Variants in CYSLTR2 observed in about 807,000 individuals in gnomAD.
The protein encoded by CYSLTR2 is cysteinyl leukotriene receptor 2.
For synonymous variants in CYSLTR2, 179 were observed against 160.8 expected, an observed-to-expected ratio of 1.11 and a Z score of -0.86; for missense variants, 398 against 411.9, an observed-to-expected ratio of 0.97 and a Z score of 0.29.
At chr13:48,658,115 C>T (rs954965916) in intron 1 of CYSLTR2, among the ~76,000 whole-genome samples, 1 of 152,098 alleles carries the variant, frequency 6.6e-6, no homozygotes, top group Non-Finnish European at 1.5e-5. Flanking sequence ...GCACAAATCC[C>T]TATTGGGAAC....
intron 1 of CYSLTR2, among the ~76,000 whole-genome samples, chr13:48,660,344 A>T (rs1199875660): frequency 6.6e-6 from 1 of 152,178 alleles, no homozygotes; most frequent in Non-Finnish European, 1.5e-5. Flanking sequence ...CTCTTCACCA[A>T]TGGCCCAAAG....
chr13:48,674,598 C>T (rs1017282185), intron 1 of CYSLTR2, among the ~76,000 whole-genome samples: 1 of 152,164 alleles, frequency 6.6e-6, no homozygotes, highest in Non-Finnish European at 1.5e-5. Flanking sequence ...TTTGTTGTTA[C>T]CCACCTTCTG....
intron 1 of CYSLTR2, among the ~76,000 whole-genome samples, chr13:48,681,958 T>C (rs1460577180): frequency 3.3e-5 from 5 of 152,208 alleles, no homozygotes; most frequent in Non-Finnish European, 7.3e-5. Context: ...AGTTAGGTTC[T>C]TTAAGACTAA....
intron 4 of CYSLTR2, among the ~76,000 whole-genome samples, chr13:48,705,586 G>T (rs1367003181): frequency 6.7e-6 from 1 of 148,616 alleles, no homozygotes; most frequent in Non-Finnish European, 1.5e-5. Context: ...GAAGCTCTAG[G>T]TATTTCTCTC....
chr13:48,657,977 C>T (rs1359109), intron 1 of CYSLTR2, among the ~76,000 whole-genome samples: 69,041 of 151,756 alleles, frequency 0.45, 17,817 homozygotes, highest in African/African-American at 0.72. Context: ...GCTGGTTTCT[C>T]TTTATTTTGA....
intron 1 of CYSLTR2, among the ~76,000 whole-genome samples, chr13:48,661,145 T>A (rs1471524346): frequency 2.0e-5 from 3 of 152,054 alleles, no homozygotes; most frequent in Admixed American, 2.0e-4. Context: ...TGAGACAGTG[T>A]CTTGCTCTAT....
intron 1 of CYSLTR2, among the ~76,000 whole-genome samples, chr13:48,669,332 ATT>A (rs1357341205): frequency 6.6e-6 from 1 of 150,908 alleles, no homozygotes; most frequent in Non-Finnish European, 1.5e-5. Flanking sequence ...GAACGTGCAG[ATT>A]TTTTACAAAG....
intron 1 of CYSLTR2, among the ~76,000 whole-genome samples, chr13:48,657,140 A>G (rs1257284551): frequency 1.3e-5 from 2 of 152,242 alleles, no homozygotes; most frequent in African/African-American, 4.8e-5. Context: ...TATTAGTTAC[A>G]GCTAATGTTT....
chr13:48,708,140 C>A lies in CYSLTR2; in HGVS notation c.*282C>A. 3.6e-6 allele frequency: 1 copy of A among 275,236 alleles called. No individual in the cohort carries two copies. The highest frequency in any genetic ancestry group is 7.3e-6 in the Non-Finnish European group (1 of 137,396). The allele number at this position is 275,236 out of a possible 1,614,324, so 17.0% of individuals were successfully genotyped here. On this transcript the variant is annotated 3_prime_UTR_variant, in exon 5 of 5. Coordinates refer to ENST00000682523, the MANE Select transcript of CYSLTR2 (RefSeq NM_001308476.3). ...GCAAAGCACATTGGATCCTACTTTT[C>A]TTCAGATATTGAACCAGATCTCTGG...
chr13:48,659,778 C>A (rs1411707453), intron 1 of CYSLTR2, among the ~76,000 whole-genome samples: 2 of 152,150 alleles, frequency 1.3e-5, no homozygotes, highest in African/African-American at 4.8e-5. Flanking sequence ...CTGTGGTCTT[C>A]CTTAGATCAG....
At chr13:48,674,582 G>A (rs1177188094) in intron 1 of CYSLTR2, among the ~76,000 whole-genome samples, 2 of 152,160 alleles carry the variant, frequency 1.3e-5, no homozygotes, top group Non-Finnish European at 2.9e-5. Flanking sequence ...CTTTAGCTAG[G>A]AGGAGTTTGT....
At position 48,695,068 on chromosome 13, in the gene CYSLTR2, ATTTTTTT is replaced by A. The variant is rs869282546; in HGVS notation, c.-102-1438_-102-1432del. The stretch of plus-strand genomic sequence containing the variant: ...AGACCATGGTATATCAGAACCTGGC[ATTTTTTT>A]TTTTTTTTTTTTTTTTTTTGTCAGA... On this transcript the variant is annotated intron_variant, in intron 3 of 4. Transcript: ENST00000682523. 7.1e-3 allele frequency among the ~76,000 whole-genome samples: 508 copies of A among 71,598 alleles called. 4 individuals carry two copies. Among genetic ancestry groups the A allele is most frequent in the Non-Finnish European group, 1.0e-2 (399 of 39,906 alleles). 47.0% of individuals were successfully genotyped at this position (71,598 alleles called of 152,430 possible).
chr13:48,703,237 T>C (rs1423937533), intron 4 of CYSLTR2, among the ~76,000 whole-genome samples: 3 of 152,186 alleles, frequency 2.0e-5, no homozygotes, highest in African/African-American at 7.2e-5. Flanking sequence ...GGGTTTTCTA[T>C]GTAACTATGT....
At chr13:48,704,415 C>CT (rs922384270) in intron 4 of CYSLTR2, among the ~76,000 whole-genome samples, 1 of 151,912 alleles carries the variant, frequency 6.6e-6, no homozygotes. Context: ...ATTGTATTGA[C>CT]TTTTTTCAAA....
At position 48,706,844 on chromosome 13, in the gene CYSLTR2, A is replaced by G. The variant is rs151157627; in HGVS notation, c.27A>G (p.Gln9=). The change falls in exon 5 of 5, where the codon CAA becomes CAG. Residue 9 remains glutamine, a synonymous_variant. Coordinates refer to ENST00000682523, the MANE Select transcript of CYSLTR2 (RefSeq NM_001308476.3). ...TGGAGAGAAAATTTATGTCCTTGCA[A>G]CCATCCATCTCCGTATCAGAAATGG... The part of the protein sequence containing the change: MERKFMSL[Q]PSISVSEMEP... 87 of 1,613,316 alleles carry G rather than the reference A, an allele frequency of 5.4e-5. 1 individual carries two copies. In the African/African-American group the frequency reaches 1.1e-3, roughly 21 times the overall value.
At chr13:48,693,807 CT>C in intron 3 of CYSLTR2, among the ~76,000 whole-genome samples, 1 of 152,330 alleles carries the variant, frequency 6.6e-6, no homozygotes, top group Middle Eastern at 3.4e-3. Flanking sequence ...CTATCACCAA[CT>C]TTAAACAAAA....
intron 1 of CYSLTR2, among the ~76,000 whole-genome samples, chr13:48,659,942 A>G (rs760015781): frequency 1.2e-4 from 19 of 152,222 alleles, no homozygotes; most frequent in Admixed American, 5.2e-4. Flanking sequence ...AGAGCTGAGG[A>G]AAGTTTTGAG....
At chr13:48,697,655 C>A (rs112267608) in intron 4 of CYSLTR2, among the ~76,000 whole-genome samples, 77 of 152,274 alleles carry the variant, frequency 5.1e-4, no homozygotes, top group African/African-American at 1.8e-3. Context: ...CAAAGCTGGA[C>A]GGAGAATGAC....
At chr13:48,679,416 A>G (rs539973236) in intron 1 of CYSLTR2, among the ~76,000 whole-genome samples, 50 of 152,260 alleles carry the variant, frequency 3.3e-4, no homozygotes, top group African/African-American at 1.2e-3. Context: ...CTTCACTGTC[A>G]TATACACAGG....
Sources: allele counts gnomAD v4.1 joint callset (sites outside exome capture counted in the v4.1 genomes callset), GRCh38; gene constraint gnomAD v4.1.1; transcripts MANE v1.5; gene names NCBI Gene and HGNC (gene_info 2026-07-23, HGNC 2026-07-21).